AK5: variants seen among roughly 807,000 people sequenced by gnomAD.
The protein encoded by AK5 is adenylate kinase isoenzyme 5.
AK5 carries 27 observed loss-of-function variants against 69.5 expected under a neutral mutation model. That is an observed-to-expected ratio of 0.39 (90% CI 0.29 to 0.54). AK5 has a LOEUF of 0.54. Ranked by LOEUF, AK5 falls within the 20% of genes least tolerant of loss-of-function variation. The pLI is 0.71. For missense variants in AK5, 531 were observed against 700.4 expected (o/e 0.76, Z 2.73); for synonymous variants, 260 against 244.4 (o/e 1.06, Z -0.60).
intron 8 of AK5, among the ~76,000 whole-genome samples, chr1:77,441,978 C>G (rs1652356793): frequency 6.6e-6 from 1 of 152,140 alleles, no homozygotes; most frequent in Admixed American, 6.5e-5. Context: ...AGCTGTGATT[C>G]TGCCCTGGGA....
intron 10 of AK5, among the ~76,000 whole-genome samples, chr1:77,508,024 A>G (rs908076792): frequency 1.3e-5 from 2 of 152,202 alleles, no homozygotes; most frequent in African/African-American, 4.8e-5. Flanking sequence ...ATCTTTTTGC[A>G]TGCCAACGTA....
intron 6 of AK5, among the ~76,000 whole-genome samples, chr1:77,391,491 G>A (rs1469589288): frequency 7.3e-4 from 13 of 17,868 alleles, no homozygotes; most frequent in African/African-American, 4.0e-3. Flanking sequence ...GTATGTGTGT[G>A]TGTGTATATA....
chr1:77,309,760 C>T (rs1028404256), intron 5 of AK5, among the ~76,000 whole-genome samples: 3 of 152,058 alleles, frequency 2.0e-5, no homozygotes, highest in African/African-American at 7.3e-5. Flanking sequence ...ACTTGTATTT[C>T]ATTTTTTGAG....
intron 13 of AK5, 24 bp from the exon 14 acceptor site, chr1:77,558,578 C>T: frequency 7.1e-7 from 1 of 1,402,570 alleles, no homozygotes; most frequent in Non-Finnish European, 1.0e-6. Context: ...CAGACTAACT[C>T]TCTTTTTTTC....
intron 5 of AK5, among the ~76,000 whole-genome samples, chr1:77,328,102 G>A (rs929873615): frequency 3.3e-5 from 5 of 152,190 alleles, no homozygotes; most frequent in Admixed American, 2.6e-4. Context: ...TGAAATAGAT[G>A]CCTGAATAAT....
Position 77,282,139 on chromosome 1 carries a change from G to A in AK5, c.-175G>A. The stretch of plus-strand genomic sequence containing the variant: ...GGAGCGCGGAGACCACAGCCCCCGG[G>A]GAGAGGCGGAGGGGGTCCCTGGCCT... On this transcript the variant is annotated 5_prime_UTR_variant, in exon 1 of 14. Coordinates refer to ENST00000354567, the MANE Select transcript of AK5 (RefSeq NM_174858.3). The A allele has an allele frequency of 2.0e-6, 1 of 488,968 alleles. No homozygotes were observed. Among genetic ancestry groups the A allele is most frequent in the South Asian group, 4.5e-5 (1 of 22,118 alleles). 30.3% of individuals were successfully genotyped at this position (488,968 alleles called of 1,614,324 possible).
intron 5 of AK5, among the ~76,000 whole-genome samples, chr1:77,308,057 G>A (rs535352688): frequency 4.3e-4 from 66 of 152,260 alleles, no homozygotes; most frequent in African/African-American, 1.5e-3. Context: ...CCATTGATGA[G>A]AATTTAAGTC....
intron 6 of AK5, among the ~76,000 whole-genome samples, chr1:77,387,026 A>T (rs1320813342): frequency 6.6e-6 from 1 of 152,170 alleles, no homozygotes; most frequent in Non-Finnish European, 1.5e-5. Flanking sequence ...ACAGGATTTC[A>T]TTCCTTTTAT....
chr1:77,417,832 A>G (rs1055767127), intron 8 of AK5, 117 bp downstream of exon 8: 33 of 626,326 alleles, frequency 5.3e-5, no homozygotes, highest in Admixed American at 2.2e-4. Flanking sequence ...ACAGATAACT[A>G]ATAACATATT....
chr1:77,409,949 T>A (rs945271928), intron 6 of AK5, among the ~76,000 whole-genome samples: 2 of 152,188 alleles, frequency 1.3e-5, no homozygotes, highest in Non-Finnish European at 2.9e-5. Context: ...AGCTTCAATC[T>A]TCTGCATACG....
chr1:77,391,737 T>C (rs1316384975), intron 6 of AK5, among the ~76,000 whole-genome samples: 1 of 152,002 alleles, frequency 6.6e-6, no homozygotes, highest in Non-Finnish European at 1.5e-5. Flanking sequence ...GGAATTGTTA[T>C]TATCTTGATT....
rs1159773682 is a variant in AK5, at chr1:77,367,694, T to TTATATGTTATA, written c.891+27142_891+27152dup. ...ATATAATATATATGTTATATATACG[T>TTATATGTTATA]TATATGTTATATATATGTTATATAT... is the stretch of plus-strand genomic sequence containing the variant. On this transcript the variant is annotated intron_variant, in intron 6 of 13. Transcript: ENST00000354567. 3.4e-3 allele frequency among the ~76,000 whole-genome samples: 202 copies of TTATATGTTATA among 59,552 alleles called. 16 individuals carry two copies. The highest frequency in any genetic ancestry group is 0.015 in the East Asian group (12 of 776). The allele number at this position is 59,552 out of a possible 152,430, so 39.1% of individuals were successfully genotyped here. A position where few individuals can be genotyped will look rare whatever the true frequency, so the allele number is the denominator to read the frequency against.
chr1:77,417,592 A>G (rs770377186), intron 7 of AK5, 47 bp from the exon 8 acceptor site: 1 of 1,183,344 alleles, frequency 8.5e-7, no homozygotes, highest in South Asian at 1.3e-5. Context: ...CTTTAGAAAC[A>G]TACATAGACA....
chr1:77,556,138 T>C (rs1660091689), intron 13 of AK5, among the ~76,000 whole-genome samples: 1 of 152,190 alleles, frequency 6.6e-6, no homozygotes, highest in Admixed American at 6.5e-5. Context: ...TGCATAAAAG[T>C]AGTATGTAGA....
intron 8 of AK5, among the ~76,000 whole-genome samples, chr1:77,475,743 A>C (rs1427924870): frequency 6.6e-6 from 1 of 151,826 alleles, no homozygotes; most frequent in South Asian, 2.1e-4. Flanking sequence ...CCTTGGCAAG[A>C]CTAGTCAGAT....
rs116267720 is a variant in AK5, at chr1:77,546,325, A to G, written c.1620+10287A>G. Among the ~76,000 whole-genome samples, 204 of 152,312 alleles carry G rather than the reference A, an allele frequency of 1.3e-3. 5 individuals are homozygous for G. Among genetic ancestry groups the G allele is most frequent in the African/African-American group, 4.8e-3 (198 of 41,580 alleles). On this transcript the variant is annotated intron_variant, in intron 13 of 13. Coordinates refer to ENST00000354567, the MANE Select transcript of AK5 (RefSeq NM_174858.3). ...TCCCAGAGTCACTGACATGAATTCT[A>G]CCAGCAAAGAATTGGCACCATTCTA...
intron 5 of AK5, among the ~76,000 whole-genome samples, chr1:77,311,906 G>C (rs1483116431): frequency 6.6e-6 from 1 of 152,154 alleles, no homozygotes; most frequent in Admixed American, 6.5e-5. Context: ...CTAGTGATCT[G>C]TCAGCTGGAG....
intron 5 of AK5, among the ~76,000 whole-genome samples, chr1:77,300,082 G>A (rs555399114): frequency 3.3e-5 from 5 of 152,284 alleles, no homozygotes; most frequent in African/African-American, 9.6e-5. Context: ...CTAAGGTGGT[G>A]TATCAGAATC....
intron 6 of AK5, among the ~76,000 whole-genome samples, chr1:77,355,686 T>C (rs915513529): frequency 6.6e-6 from 1 of 152,182 alleles, no homozygotes; most frequent in African/African-American, 2.4e-5. Flanking sequence ...GATTCTACCA[T>C]CTTTCTACTA....
Sources: allele counts gnomAD v4.1 joint callset (sites outside exome capture counted in the v4.1 genomes callset), GRCh38; gene constraint gnomAD v4.1.1; transcripts MANE v1.5; gene names NCBI Gene and HGNC (gene_info 2026-07-23, HGNC 2026-07-21).